Variants in RHOJ observed in about 807,000 individuals in gnomAD.
The protein encoded by RHOJ is ras homolog family member J, also known as rho-related GTP-binding protein RhoJ.
Under a neutral mutation model 23.4 loss-of-function variants are expected in RHOJ, and 11 were observed. The ratio of observed to expected loss-of-function variants is 0.47; its 90% confidence interval spans 0.30 to 0.78. The LOEUF is 0.78. Among genes scored for constraint, RHOJ ranks in the 30% least tolerant of loss-of-function variants. The pLI, the probability that RHOJ is intolerant of heterozygous loss-of-function variation, is 0.08. For missense variants in RHOJ, 254 were observed against 273.4 expected, an observed-to-expected ratio of 0.93 and a Z score of 0.50; for synonymous variants, 102 against 102.7, an observed-to-expected ratio of 0.99 and a Z score of 0.04.
At chr14:63,279,264 A>G (rs1881824152) in intron 2 of RHOJ, among the ~76,000 whole-genome samples, 2 of 152,258 alleles carry the variant, frequency 1.3e-5, no homozygotes, top group African/African-American at 4.8e-5. Flanking sequence ...AGGTGTGAAC[A>G]TATAAGTTTA....
At chr14:63,262,997 A>G (rs1895299503) in intron 1 of RHOJ, among the ~76,000 whole-genome samples, 1 of 152,256 alleles carries the variant, frequency 6.6e-6, no homozygotes, top group African/African-American at 2.4e-5. Flanking sequence ...GAATGGGTTC[A>G]GTAAGCATTT....
chr14:63,211,179 C>T (rs1894228020), intron 1 of RHOJ, among the ~76,000 whole-genome samples: 1 of 151,960 alleles, frequency 6.6e-6, no homozygotes, highest in Non-Finnish European at 1.5e-5. Flanking sequence ...GGAAACAGGT[C>T]CAATCCACAG....
At chr14:63,207,119 C>A (rs1424128298) in intron 1 of RHOJ, among the ~76,000 whole-genome samples, 5 of 151,666 alleles carry the variant, frequency 3.3e-5, no homozygotes, top group Non-Finnish European at 5.9e-5. Flanking sequence ...GCAACTTCCA[C>A]CTCCTGGGTT....
chr14:63,269,935 G>A (rs545964365), intron 2 of RHOJ, among the ~76,000 whole-genome samples: 2 of 152,172 alleles, frequency 1.3e-5, no homozygotes, highest in Non-Finnish European at 2.9e-5. Context: ...TTCTAATCCA[G>A]TTCACGGATT....
intron 4 of RHOJ, among the ~76,000 whole-genome samples, chr14:63,285,985 A>C (rs1882070748): frequency 6.6e-6 from 1 of 152,100 alleles, no homozygotes; most frequent in African/African-American, 2.4e-5. Context: ...TCTTCTTCAC[A>C]CTGTGCCTTT....
intron 1 of RHOJ, among the ~76,000 whole-genome samples, chr14:63,229,063 A>T (rs1375843567): frequency 1.3e-5 from 2 of 152,248 alleles, no homozygotes; most frequent in African/African-American, 2.4e-5. Flanking sequence ...ATCTCTAAGC[A>T]TCTGGCATGG....
intron 1 of RHOJ, among the ~76,000 whole-genome samples, chr14:63,264,042 T>C (rs1357532251): frequency 6.6e-6 from 1 of 152,096 alleles, no homozygotes; most frequent in Non-Finnish European, 1.5e-5. Flanking sequence ...TGTAGGTTTG[T>C]TCCATGGGTA....
intron 1 of RHOJ, among the ~76,000 whole-genome samples, chr14:63,227,885 A>G (rs921551506): frequency 6.6e-6 from 1 of 152,232 alleles, no homozygotes; most frequent in African/African-American, 2.4e-5. Flanking sequence ...GCACCTTCCA[A>G]GGTTCTGGAA....
chr14:63,281,247 T>G, intron 3 of RHOJ, 112 bp downstream of exon 3: 2 of 1,034,680 alleles, frequency 1.9e-6, no homozygotes, highest in Non-Finnish European at 2.7e-6. Context: ...GTCTCAGACA[T>G]GTCAATCCTA....
At chr14:63,281,169 C>A (rs1881886775) in intron 3 of RHOJ, 34 bp downstream of exon 3, 1 of 1,564,542 alleles carries the variant, frequency 6.4e-7, no homozygotes, top group Non-Finnish European at 8.6e-7. Context: ...GTGGAGCGGG[C>A]TGCAAAAATG....
At chr14:63,252,162 A>G (rs1594766205) in intron 1 of RHOJ, among the ~76,000 whole-genome samples, 1 of 152,176 alleles carries the variant, frequency 6.6e-6, no homozygotes, top group South Asian at 2.1e-4. Context: ...CTGCATTCCT[A>G]CAGGCTCCAG....
intron 1 of RHOJ, among the ~76,000 whole-genome samples, chr14:63,241,737 C>A (rs895934046): frequency 6.6e-6 from 1 of 152,156 alleles, no homozygotes; most frequent in Non-Finnish European, 1.5e-5. Flanking sequence ...AAAGCCCCAT[C>A]GGCACTGGTT....
rs1894065387 is a variant in RHOJ, at chr14:63,204,625, C to T, written c.-245C>T. On this transcript the variant is annotated 5_prime_UTR_variant, in exon 1 of 5. Transcript: ENST00000316754. ...TTCTGTGAAAATGAGGGTTTCTTAA[C>T]TCACACTGAGAGCGGAAAGGGGCAG... is the stretch of plus-strand genomic sequence containing the variant. 1 of 537,632 alleles carries T rather than the reference C, an allele frequency of 1.9e-6. No individual in the cohort carries two copies. The highest frequency in any genetic ancestry group is 3.3e-6 in the Non-Finnish European group (1 of 302,926). 33.3% of individuals were successfully genotyped at this position (537,632 alleles called of 1,614,324 possible).
chr14:63,244,737 A>T (rs1175586018), intron 1 of RHOJ, among the ~76,000 whole-genome samples: 1 of 152,262 alleles, frequency 6.6e-6, no homozygotes, highest in Non-Finnish European at 1.5e-5. Flanking sequence ...AAGTATTAAG[A>T]TACCAATTTC....
intron 1 of RHOJ, among the ~76,000 whole-genome samples, chr14:63,230,861 G>GTTTTTTTTTT: frequency 4.6e-5 from 3 of 65,772 alleles, no homozygotes; most frequent in East Asian, 2.2e-3. Flanking sequence ...TTTTTTTTTA[G>GTTTTTTTTTT]ATGGAGTCTC....
At chr14:63,271,460 GA>G (rs534650069) in intron 2 of RHOJ, among the ~76,000 whole-genome samples, 17 of 152,348 alleles carry the variant, frequency 1.1e-4, no homozygotes, top group African/African-American at 3.8e-4. Flanking sequence ...CTAGAACAGT[GA>G]TTCTCAAACT....
intron 2 of RHOJ, 95 bp downstream of exon 2, chr14:63,269,263 T>G: frequency 2.4e-6 from 2 of 830,384 alleles, no homozygotes; most frequent in Non-Finnish European, 4.0e-6. Flanking sequence ...GCACAGATAT[T>G]ACCCATTCTG....
chr14:63,217,602 G>A (rs1292905120), intron 1 of RHOJ, among the ~76,000 whole-genome samples: 1 of 152,026 alleles, frequency 6.6e-6, no homozygotes, highest in Non-Finnish European at 1.5e-5. Flanking sequence ...AGAAAACCTA[G>A]GCATTACCAT....
chr14:63,274,754 C>T (rs76427222), intron 2 of RHOJ, among the ~76,000 whole-genome samples: 9,090 of 152,204 alleles, frequency 0.06, 343 homozygotes, highest in African/African-American at 0.068. Context: ...AGAACTTACC[C>T]AGGATCACAC....
Sources: gnomAD v4.1 joint callset for allele counts (sites outside exome capture counted in the v4.1 genomes callset) on GRCh38, gnomAD v4.1.1 for gene constraint, MANE v1.5 for transcripts, NCBI Gene and HGNC (gene_info 2026-07-23, HGNC 2026-07-21) for gene names.